CDH12: variants seen among roughly 807,000 people sequenced by gnomAD.
The protein encoded by CDH12 is cadherin-12.
In CDH12, 41 loss-of-function variants were observed where a neutral mutation model predicts 74.1. That is an observed-to-expected ratio of 0.55 (90% CI 0.43 to 0.72). The LOEUF is 0.72. Ranked by LOEUF, CDH12 falls within the 30% of genes least tolerant of loss-of-function variation. The pLI is 0.00. For missense variants in CDH12, 945 were observed against 977.2 expected, an observed-to-expected ratio of 0.97 and a Z score of 0.44; for synonymous variants, 399 against 355.0, an observed-to-expected ratio of 1.12 and a Z score of -1.39.
chr5:22,674,425 C>T (rs539127595), intron 1 of CDH12, among the ~76,000 whole-genome samples: 9 of 152,182 alleles, frequency 5.9e-5, no homozygotes, highest in South Asian at 2.1e-4. Flanking sequence ...CCATGTGGAA[C>T]GGTAAGTCCA....
intron 2 of CDH12, among the ~76,000 whole-genome samples, chr5:22,443,826 C>G (rs1258667934): frequency 6.6e-6 from 1 of 151,994 alleles, no homozygotes; most frequent in Non-Finnish European, 1.5e-5. Context: ...AATAAACAAA[C>G]TTTTTCTTAC....
At chr5:21,880,170 T>C (rs1019131292) in intron 6 of CDH12, among the ~76,000 whole-genome samples, 2 of 152,224 alleles carry the variant, frequency 1.3e-5, no homozygotes, top group African/African-American at 4.8e-5. Context: ...TTCACCGACT[T>C]GGAAGTTTGA....
chr5:22,343,954 A>G (rs1204067693), intron 3 of CDH12, among the ~76,000 whole-genome samples: 1 of 152,216 alleles, frequency 6.6e-6, no homozygotes, highest in Non-Finnish European at 1.5e-5. Flanking sequence ...TATTTAGGAT[A>G]ACAAGCTGAA....
chr5:22,406,300 C>G (rs1009294732), intron 2 of CDH12, among the ~76,000 whole-genome samples: 5 of 152,132 alleles, frequency 3.3e-5, no homozygotes, highest in African/African-American at 4.8e-5. Context: ...AGCTGAACTG[C>G]AATGACGAGA....
chr5:22,705,700 A>G (rs568288242), intron 1 of CDH12, among the ~76,000 whole-genome samples: 1 of 152,216 alleles, frequency 6.6e-6, no homozygotes, highest in African/African-American at 2.4e-5. Flanking sequence ...CCACCAAGGG[A>G]GAAGATAATT....
At chr5:22,292,136 T>C (rs538538781) in intron 3 of CDH12, among the ~76,000 whole-genome samples, 26 of 152,202 alleles carry the variant, frequency 1.7e-4, no homozygotes, top group African/African-American at 6.3e-4. Flanking sequence ...CTGGCAGCAC[T>C]AGATATCTGC....
intron 1 of CDH12, among the ~76,000 whole-genome samples, chr5:22,538,352 T>C (rs1737955423): frequency 6.6e-6 from 1 of 152,220 alleles, no homozygotes; most frequent in Admixed American, 6.5e-5. Flanking sequence ...TTAAGCAAGA[T>C]GGATTAGTCT....
chr5:22,102,042 A>T (rs575752587), intron 4 of CDH12, among the ~76,000 whole-genome samples: 1 of 152,332 alleles, frequency 6.6e-6, no homozygotes, highest in African/African-American at 2.4e-5. Flanking sequence ...GACCTCTAAA[A>T]TCTGAAGATT....
intron 2 of CDH12, among the ~76,000 whole-genome samples, chr5:22,466,299 G>T (rs1420814757): frequency 1.3e-5 from 2 of 152,024 alleles, no homozygotes; most frequent in Non-Finnish European, 2.9e-5. Context: ...TTTTTTGTTT[G>T]CTTGTTTGTT....
At chr5:22,101,343 A>ATTGTATG (rs1580252264) in intron 4 of CDH12, among the ~76,000 whole-genome samples, 1 of 152,040 alleles carries the variant, frequency 6.6e-6, no homozygotes, top group East Asian at 1.9e-4. Flanking sequence ...TGTATTGTAT[A>ATTGTATG]TTTATATGTA....
chr5:22,037,745 C>A (rs933455655), intron 5 of CDH12, among the ~76,000 whole-genome samples: 1 of 152,026 alleles, frequency 6.6e-6, no homozygotes, highest in African/African-American at 2.4e-5. Flanking sequence ...TCATCCTGAC[C>A]CAAAGACACC....
At chr5:22,352,911 T>C (rs2150465944) in intron 3 of CDH12, among the ~76,000 whole-genome samples, 1 of 152,308 alleles carries the variant, frequency 6.6e-6, no homozygotes, top group Non-Finnish European at 1.5e-5. Context: ...TGTGCTGTGA[T>C]TATAATAATG....
intron 3 of CDH12, among the ~76,000 whole-genome samples, chr5:22,229,801 T>C (rs938236685): frequency 1.3e-5 from 2 of 152,244 alleles, no homozygotes; most frequent in East Asian, 3.9e-4. Flanking sequence ...GTATTTAATG[T>C]GCTTTGAGTC....
At chr5:22,721,215 C>T (rs1400995097) in intron 1 of CDH12, among the ~76,000 whole-genome samples, 3 of 152,210 alleles carry the variant, frequency 2.0e-5, no homozygotes, top group East Asian at 3.9e-4. Flanking sequence ...CCCAGCTGCT[C>T]CAGCTCCAGC....
At chr5:22,783,145 C>G (rs1390674479) in intron 1 of CDH12, among the ~76,000 whole-genome samples, 1 of 152,030 alleles carries the variant, frequency 6.6e-6, no homozygotes, top group Non-Finnish European at 1.5e-5. Flanking sequence ...GCTTTTAGGA[C>G]CTAGGCTCAA....
intron 2 of CDH12, among the ~76,000 whole-genome samples, chr5:22,467,244 T>G (rs543340724): frequency 6.6e-6 from 1 of 152,288 alleles, no homozygotes; most frequent in African/African-American, 2.4e-5. Context: ...TGTTAAAATT[T>G]TAACTGTTTA....
chr5:21,831,660 T>C (rs1007166114), intron 8 of CDH12, among the ~76,000 whole-genome samples: 5 of 151,812 alleles, frequency 3.3e-5, no homozygotes, highest in African/African-American at 1.2e-4. Flanking sequence ...GTTTTGTTAT[T>C]ACTAAGTTGG....
intron 11 of CDH12, among the ~76,000 whole-genome samples, chr5:21,780,836 G>C (rs1322273197): frequency 6.6e-6 from 1 of 152,084 alleles, no homozygotes; most frequent in African/African-American, 2.4e-5. Flanking sequence ...TATTTTAGCT[G>C]TCCCCAAATT....
At chr5:21,783,929 A>T (rs1316205965) in intron 10 of CDH12, among the ~76,000 whole-genome samples, 1 of 152,192 alleles carries the variant, frequency 6.6e-6, no homozygotes, top group East Asian at 1.9e-4. Flanking sequence ...CAGAGATAGA[A>T]AAAATAACAT....
Sources: allele counts gnomAD v4.1 joint callset (sites outside exome capture counted in the v4.1 genomes callset), GRCh38; gene constraint gnomAD v4.1.1; transcripts MANE v1.5; gene names NCBI Gene and HGNC (gene_info 2026-07-23, HGNC 2026-07-21).